Variants in HEXD observed in about 807,000 individuals in gnomAD.
The protein encoded by HEXD is N-acetyl-beta-galactosaminidase.
HEXD carries 47 observed loss-of-function variants against 54.2 expected under a neutral mutation model. The ratio of observed to expected loss-of-function variants is 0.87; its 90% CI spans 0.69 to 1.11. HEXD has a LOEUF of 1.11. Among genes scored for constraint, HEXD ranks in the 50% least tolerant of loss-of-function variants. The probability of loss-of-function intolerance (pLI) is 0.00; values close to 1 mark genes in which losing one functional copy is unlikely to be tolerated. For synonymous variants in HEXD, 293 were observed against 287.6 expected (o/e 1.02, Z -0.19); for missense variants, 576 against 649.2 (o/e 0.89, Z 1.23).
At chr17:82,424,276 G>GAAGTAGCAACTCCCACAGT (rs2053329636) in intron 2 of HEXD, 118 bp from the exon 3 acceptor site, 8 of 699,414 alleles carry the variant, frequency 1.1e-5, no homozygotes, top group Non-Finnish European at 1.8e-5. Context: ...AGGAGAAATA[G>GAAGTAGCAACTCCCACAGT]AAGTAGCAAC....
chr17:82,441,212 C>T lies in HEXD; in HGVS notation c.1109C>T (p.Thr370Ile), dbSNP rs867125457. The stretch of plus-strand genomic sequence containing the variant: ...GGCAGCAACATCCTTGCCCTTGTCA[C>T]ACAAGTCAGCCTCCATCTGCGCAGC... ...FPGSNILALV[T>I]QVSLHLRSSV... is the part of the protein sequence containing the mutation. The change falls in exon 11 of 13, where the codon ACA becomes ATA. Residue 370 changes from threonine to isoleucine, a missense_variant. Physicochemically the swap from Thr to Ile is moderately conservative, Grantham distance 89 (BLOSUM62 -1). Coordinates refer to ENST00000327949, the MANE Select transcript of HEXD (RefSeq NM_001330542.2). 9.3e-6 allele frequency: 15 copies of T among 1,613,108 alleles called. No individual in the cohort carries two copies. The Middle Eastern group carries it at 2.1e-3, about 231-fold the overall frequency.
At chr17:82,421,727 G>A (rs563432746) in intron 2 of HEXD, among the ~76,000 whole-genome samples, 1 of 152,330 alleles carries the variant, frequency 6.6e-6, no homozygotes, top group Non-Finnish European at 1.5e-5. Flanking sequence ...TTGGGAGTCT[G>A]AAGCAGGAGA....
At chr17:82,433,077 G>GA (rs71168108) in intron 4 of HEXD, among the ~76,000 whole-genome samples, 170 of 7,830 alleles carry the variant, frequency 0.022, 25 homozygotes, top group South Asian at 0.04. Flanking sequence ...AAAAAAAAAA[G>GA]AAAAAAAAAA....
chr17:82,439,582 G>T (rs1209740447), intron 8 of HEXD, 49 bp from the exon 9 acceptor site: 7 of 1,505,730 alleles, frequency 4.6e-6, no homozygotes, highest in Non-Finnish European at 6.2e-6. Flanking sequence ...GCCTGCGTCA[G>T]GCTGCTGGGG....
At chr17:82,438,142 CA>C (rs1278254624) in intron 8 of HEXD, among the ~76,000 whole-genome samples, 1 of 151,808 alleles carries the variant, frequency 6.6e-6, no homozygotes, top group Non-Finnish European at 1.5e-5. Flanking sequence ...GAGGCTGAGG[CA>C]AGGAGAATCA....
rs375081521 is a variant in HEXD, at chr17:82,424,516, G to C, written c.194+13G>C. 2 of 1,584,186 alleles carry C rather than the reference G, an allele frequency of 1.3e-6. No homozygotes were observed. The highest frequency in any genetic ancestry group is 2.2e-5 in the South Asian group (2 of 90,496). On this transcript the variant is annotated intron_variant, in intron 3 of 12. Coordinates refer to ENST00000327949, the MANE Select transcript of HEXD (RefSeq NM_001330542.2). Reference sequence around the variant, plus strand: ...AGTACGCCTACAGGTAACACTGCCCGTGGCAGGTACAGGGGCGCGGCGTGA... The same window carrying C: ...AGTACGCCTACAGGTAACACTGCCCCTGGCAGGTACAGGGGCGCGGCGTGA...
At chr17:82,441,335 C>T in intron 11 of HEXD, 69 bp downstream of exon 11, 1 of 1,265,922 alleles carries the variant, frequency 7.9e-7, no homozygotes, top group Non-Finnish European at 1.0e-6. Context: ...GGTGAGGGGG[C>T]AGGTGTGGGT....
At chr17:82,437,120 G>T in intron 7 of HEXD, 48 bp from the exon 8 acceptor site, 1 of 1,506,254 alleles carries the variant, frequency 6.6e-7, no homozygotes, top group Non-Finnish European at 9.0e-7. Context: ...CCAGGGCCGT[G>T]TTGGCCGCCT....
At position 82,433,077 on chromosome 17, in the gene HEXD, G is replaced by GAAAAAAAAAAAA. The variant is rs71168108; in HGVS notation, c.283-577_283-566dup. Among the ~76,000 whole-genome samples the GAAAAAAAAAAAA allele has an allele frequency of 1.0e-3, 8 of 7,834 alleles. 2 individuals are homozygous for GAAAAAAAAAAAA. The highest frequency in any genetic ancestry group is 9.1e-4 in the Non-Finnish European group (5 of 5,502). The allele number at this position is 7,834 out of a possible 152,430, so 5.1% of individuals were successfully genotyped here. Reference sequence around the variant, plus strand: ...CAAGACTCCATCTCAAAAAAAAAAAGAAAAAAAAAAAAAAATATATATATA... The same window carrying GAAAAAAAAAAAA: ...CAAGACTCCATCTCAAAAAAAAAAAGAAAAAAAAAAAAAAAAAAAAAAAAAAATATATATATA... On this transcript the variant is annotated intron_variant, in intron 4 of 12. Coordinates refer to ENST00000327949, the MANE Select transcript of HEXD (RefSeq NM_001330542.2).
At chr17:82,420,147 C>T (rs891103832) in intron 2 of HEXD, 1 of 302,880 alleles carries the variant, frequency 3.3e-6, no homozygotes, top group Non-Finnish European at 6.1e-6. Flanking sequence ...TGAAGTGTAT[C>T]TTTCCAAAAA....
At chr17:82,439,473 G>A in intron 8 of HEXD, 158 bp from the exon 9 acceptor site, 1 of 985,414 alleles carries the variant, frequency 1.0e-6, no homozygotes, top group South Asian at 4.7e-5. Context: ...AACCTGTCTT[G>A]GAAACCCTGG....
chr17:82,427,127 C>T (rs1347224291), intron 3 of HEXD: 1 of 148,994 alleles, frequency 6.7e-6, no homozygotes. Flanking sequence ...CAGAGCTAGA[C>T]TCCGTCTCAA....
chr17:82,423,986 C>T (rs989002498), intron 2 of HEXD, among the ~76,000 whole-genome samples: 1 of 151,892 alleles, frequency 6.6e-6, no homozygotes, highest in African/African-American at 2.4e-5. Context: ...CCTCCTGCCC[C>T]GTCCCCCATG....
At chr17:82,421,481 G>C (rs1249735649) in intron 2 of HEXD, among the ~76,000 whole-genome samples, 1 of 152,172 alleles carries the variant, frequency 6.6e-6, no homozygotes, top group Non-Finnish European at 1.5e-5. Context: ...GTAGAGGAGG[G>C]GGCCTTGAGG....
chr17:82,434,533 C>T lies in HEXD; in HGVS notation c.447+711C>T, dbSNP rs1322028919. Among the ~76,000 whole-genome samples the T allele has an allele frequency of 6.6e-6, 1 of 152,164 alleles. No homozygotes were observed. Among genetic ancestry groups the T allele is most frequent in the Non-Finnish European group, 1.5e-5 (1 of 68,032 alleles). On this transcript the variant is annotated intron_variant, in intron 5 of 12. Transcript: ENST00000327949. This position sits in a 1 kb window ranked among gnomAD's most constrained non-coding sequence, Gnocchi z 4.5. ...TATGTAAAATACACTTAAGCTTTAC[C>T]ATTCTAACCATTTTAAAATATAGGC...
Position 82,440,170 on chromosome 17 carries a change from C to T in HEXD, c.982+457C>T, listed in dbSNP as rs753294039. On this transcript the variant is annotated intron_variant, in intron 9 of 12. Coordinates refer to ENST00000327949, the MANE Select transcript of HEXD (RefSeq NM_001330542.2). The stretch of plus-strand genomic sequence containing the variant: ...GGCAGGGGCAGGCACCGGGGAACCC[C>T]TTGGGGTCGGCAGGGGGCTTGGCCA... 2.6e-5 allele frequency: 33 copies of T among 1,291,008 alleles called. 1 individual carries two copies. The South Asian group carries it at 4.1e-4, about 16-fold the overall frequency. The allele number at this position is 1,291,008 out of a possible 1,614,324, so 80.0% of individuals were successfully genotyped here. A position where few individuals can be genotyped will look rare whatever the true frequency, so the allele number is the denominator to read the frequency against.
intron 8 of HEXD, among the ~76,000 whole-genome samples, chr17:82,438,041 A>G (rs1027675844): frequency 4.6e-5 from 7 of 152,266 alleles, no homozygotes; most frequent in Admixed American, 1.3e-4. Context: ...GTTCGTGACC[A>G]GCCTGGCCAA....
Position 82,437,308 on chromosome 17 carries a change from G to A in HEXD, c.844G>A (p.Ala282Thr). 6.2e-7 allele frequency: 1 copy of A among 1,611,744 alleles called. No individual in the cohort carries two copies. ...LRNHVQWLQV[A>T]GSGPTDSLQG... ...GAACCACGTGCAGTGGCTGCAGGTG[G>A]CGGGCAGCGGGCCCACGGACTCACT... is the stretch of plus-strand genomic sequence containing the variant. The change falls in exon 8 of 13, where the codon GCG becomes ACG. Residue 282 changes from alanine to threonine, a missense_variant. Transcript: ENST00000327949.
chr17:82,435,932 C>T, intron 6 of HEXD, 60 bp downstream of exon 6: 1 of 1,523,976 alleles, frequency 6.6e-7, no homozygotes, highest in South Asian at 1.2e-5. Flanking sequence ...CCTGCGGCTT[C>T]AAAGAAAGAA....
Sources: allele counts gnomAD v4.1 joint callset (sites outside exome capture counted in the v4.1 genomes callset), GRCh38; gene constraint gnomAD v4.1.1; non-coding constraint Gnocchi (gnomAD v3.1); transcripts MANE v1.5; gene names NCBI Gene and HGNC (gene_info 2026-07-23, HGNC 2026-07-21).